LNX1: variants seen among roughly 807,000 people sequenced by gnomAD.
The protein encoded by LNX1 is E3 ubiquitin-protein ligase LNX.
A neutral mutation model predicts 68.4 loss-of-function variants in LNX1; 54 were observed. The ratio of observed to expected loss-of-function variants is 0.79; its 90% CI spans 0.63 to 0.99. LNX1 has a LOEUF of 0.99. Ranked by LOEUF, LNX1 falls within the 50% of genes least tolerant of loss-of-function variation. The probability of loss-of-function intolerance (pLI) is 0.00; values close to 1 mark genes in which losing one functional copy is unlikely to be tolerated. For synonymous variants in LNX1, 336 were observed against 350.0 expected (o/e 0.96, Z 0.45); for missense variants, 906 against 926.4 (o/e 0.98, Z 0.29).
chr4:53,598,937 A>G (rs1732873892), intron 2 of LNX1, among the ~76,000 whole-genome samples: 1 of 152,232 alleles, frequency 6.6e-6, no homozygotes, highest in African/African-American at 2.4e-5. Context: ...AGAGTCAATA[A>G]GGAAGCAGAG....
intron 2 of LNX1, among the ~76,000 whole-genome samples, chr4:53,572,740 C>T (rs1731245236): frequency 6.6e-6 from 1 of 152,202 alleles, no homozygotes. Flanking sequence ...CAGGTGATGT[C>T]AGCCATCAGC....
intron 2 of LNX1, among the ~76,000 whole-genome samples, chr4:53,546,749 G>A (rs892150189): frequency 1.1e-4 from 16 of 152,156 alleles, no homozygotes; most frequent in African/African-American, 3.4e-4. Context: ...ACTGGGGAAG[G>A]AGGAAAATAG....
chr4:53,546,352 A>G (rs1279567983), intron 2 of LNX1, among the ~76,000 whole-genome samples: 1 of 152,208 alleles, frequency 6.6e-6, no homozygotes, highest in Non-Finnish European at 1.5e-5. Flanking sequence ...AGACTCCATC[A>G]GAGGATGCTG....
At chr4:53,593,951 G>A (rs1732633326), upstream of LNX1, 1 of 152,086 alleles carries the variant, frequency 6.6e-6, no homozygotes, top group Admixed American at 6.5e-5. Context: ...CCACTGGAAA[G>A]AAAAGAGGGA....
intron 2 of LNX1, among the ~76,000 whole-genome samples, chr4:53,559,419 G>T (rs1730126914): frequency 6.6e-6 from 1 of 152,200 alleles, no homozygotes; most frequent in Admixed American, 6.5e-5. Flanking sequence ...AGTTAGGTTT[G>T]ATATGTAGGT....
At chr4:53,615,342 C>G (rs1259730698) in intron 2 of LNX1, among the ~76,000 whole-genome samples, 2 of 152,176 alleles carry the variant, frequency 1.3e-5, no homozygotes, top group African/African-American at 4.8e-5. Context: ...TCCCGTGAAT[C>G]TACCTGGGCT....
rs183216021 is a variant in LNX1 at position 53,609,038 on chromosome 4, C to T, written c.-215+7479G>A. Among the ~76,000 whole-genome samples the T allele has an allele frequency of 1.4e-4, 21 of 152,166 alleles. No individual in the cohort carries two copies. The South Asian group carries it at 1.5e-3, about 11-fold the overall frequency. On this transcript the variant is annotated intron_variant, in intron 2 of 3. Transcript: ENST00000504299. ...TACAAGGCTACAATAACCAAAACAG[C>T]GTGGTACTGGTACAAAAACAGACAC...
At chr4:53,491,800 TGTTTG>T (rs761575421) in intron 6 of LNX1, among the ~76,000 whole-genome samples, 2 of 127,876 alleles carry the variant, frequency 1.6e-5, no homozygotes, top group African/African-American at 2.8e-5. Flanking sequence ...TACTTTTTTT[TGTTTG>T]TTTGTTTTTT....
intron 2 of LNX1, among the ~76,000 whole-genome samples, chr4:53,609,748 T>TATATATAATATACTATTATATATA (rs1304303716): frequency 6.4e-5 from 9 of 140,660 alleles, no homozygotes; most frequent in African/African-American, 1.8e-4. Context: ...TATTATATAT[T>TATATATAATATACTATTATATATA]ATATATAATA....
intron 1 of LNX1, among the ~76,000 whole-genome samples, chr4:53,635,692 C>A (rs1402905164): frequency 1.3e-5 from 2 of 152,102 alleles, no homozygotes; most frequent in Non-Finnish European, 1.5e-5. Context: ...ATTTTATATA[C>A]AAAACAGGAA....
chr4:53,568,494 T>A (rs1022764373), intron 2 of LNX1, among the ~76,000 whole-genome samples: 1 of 151,854 alleles, frequency 6.6e-6, no homozygotes, highest in Non-Finnish European at 1.5e-5. Flanking sequence ...ATGGGACATA[T>A]TTCAAAATAA....
At chr4:53,605,425 C>T (rs185655025) in intron 2 of LNX1, among the ~76,000 whole-genome samples, 3 of 151,520 alleles carry the variant, frequency 2.0e-5, no homozygotes, top group Non-Finnish European at 2.9e-5. Flanking sequence ...CTTGTGTATG[C>T]GTGTATGGGG....
At chr4:53,461,380 G>A in intron 10 of LNX1, 55 bp downstream of exon 10, 1 of 1,398,384 alleles carries the variant, frequency 7.2e-7, no homozygotes, top group Non-Finnish European at 1.0e-6. Flanking sequence ...GCCAAGCTTT[G>A]GCATTTATGA....
rs1725062452 is a variant in LNX1 at position 53,496,383 on chromosome 4, C to A, written c.990G>T (p.Met330Ile). 1 of 1,605,854 alleles carries A rather than the reference C, an allele frequency of 6.2e-7. No homozygotes were observed. Among genetic ancestry groups the A allele is most frequent in the Non-Finnish European group, 8.5e-7 (1 of 1,174,498 alleles). Residue 330 changes from methionine (M) to isoleucine (I), a missense_variant, in exon 6 of 11, where the codon ATG (methionine) becomes ATT (isoleucine). Coordinates refer to ENST00000263925, the MANE Select transcript of LNX1 (RefSeq NM_001126328.3). ...AGTTGTGAGGGACATTGCTGATGTC[C>A]ATCCCGTTGACCTGGGGGCAGGTGG... Reference protein sequence around the residue: ...PGDIILKVNGMDISNVPHNYA... With the variant: ...PGDIILKVNGIDISNVPHNYA...
At chr4:53,564,413 C>T (rs2109748069) in intron 2 of LNX1, among the ~76,000 whole-genome samples, 1 of 152,316 alleles carries the variant, frequency 6.6e-6, no homozygotes, top group African/African-American at 2.4e-5. Flanking sequence ...AACTCTCAGA[C>T]CCCAAACAGT....
chr4:53,554,775 C>T (rs1729774438), intron 2 of LNX1, among the ~76,000 whole-genome samples: 1 of 151,634 alleles, frequency 6.6e-6, no homozygotes. Context: ...TCACTTAAAC[C>T]CGGGAGGCGG....
intron 6 of LNX1, among the ~76,000 whole-genome samples, chr4:53,485,553 T>C (rs1416770509): frequency 6.6e-6 from 1 of 152,256 alleles, no homozygotes; most frequent in Non-Finnish European, 1.5e-5. Flanking sequence ...AATTCTGGTA[T>C]CAATTTACTT....
chr4:53,503,015 C>T (rs1725617743), intron 4 of LNX1, among the ~76,000 whole-genome samples: 1 of 151,982 alleles, frequency 6.6e-6, no homozygotes. Context: ...ACTGCAAGCT[C>T]CGCCTCCCAG....
Position 53,461,508 on chromosome 4 carries a change from ATTC to A in LNX1, c.1975_1977del (p.Glu659del), listed in dbSNP as rs1427558916. On this transcript the variant is annotated inframe_deletion, in exon 10 of 11. Transcript: ENST00000263925. ...ATGAAAAAAGGTTTGTTTCCATTGT[ATTC>A]TTCATAACCTCCTACAATGCAGAAG... 6.2e-7 allele frequency: 1 copy of A among 1,612,328 alleles called. No homozygotes were observed. Among genetic ancestry groups the A allele is most frequent in the Non-Finnish European group, 8.5e-7 (1 of 1,178,770 alleles).
Sources: allele counts gnomAD v4.1 joint callset (sites outside exome capture counted in the v4.1 genomes callset), GRCh38; gene constraint gnomAD v4.1.1; transcripts MANE v1.5; gene names NCBI Gene and HGNC (gene_info 2026-07-23, HGNC 2026-07-21).